COL4A5: variants seen among roughly 807,000 people sequenced by gnomAD.
COL4A5 encodes the protein collagen type IV alpha 5 chain.
In COL4A5, 26 loss-of-function variants were observed where a neutral mutation model predicts 130.2. The observed-to-expected ratio is 0.20, with a 90% CI of 0.15 to 0.28. The LOEUF (loss-of-function observed/expected upper bound fraction) is 0.28, where lower values mean the gene tolerates loss of function less well. COL4A5 is among the 10% of genes least tolerant of loss of function. The pLI, the probability that COL4A5 is intolerant of heterozygous loss-of-function variation, is 1.00. For missense variants in COL4A5, 1,131 were observed against 1,344.3 expected (o/e 0.84, Z 2.48); for synonymous variants, 496 against 439.6 (o/e 1.13, Z -1.60).
chrX:108,577,388 A>C (rs925586118), intron 10 of COL4A5, among the ~76,000 whole-genome samples: 7 of 107,241 alleles, frequency 6.5e-5, no homozygotes, highest in African/African-American at 2.4e-4. Context: ...AAAAAAAAAA[A>C]AAAAGAAAGA....
At position 108,482,686 on chromosome X, in the gene COL4A5, T is replaced by C. The variant is rs1603253251; in HGVS notation, c.81+42480T>C. Among the ~76,000 whole-genome samples, 8 of 111,692 alleles carry C rather than the reference T, an allele frequency of 7.2e-5. 3 individuals are homozygous for C. ...GCATCTTTCATTGCAGGCCAGTCAC[T>C]CACATAAGAGCTTGTGTATGTTTTT... On this transcript the variant is annotated intron_variant, in intron 1 of 52. Coordinates refer to ENST00000328300, the MANE Select transcript of COL4A5 (RefSeq NM_033380.3).
chrX:108,571,586 A>G, intron 7 of COL4A5, 120 bp downstream of exon 7: 3 of 652,716 alleles, frequency 4.6e-6, no homozygotes, highest in Non-Finnish European at 7.5e-6. Context: ...GTAATAAACT[A>G]GAGGAAAATG....
chrX:108,668,103 T>C (rs768208919), intron 40 of COL4A5, among the ~76,000 whole-genome samples: 4 of 111,638 alleles, frequency 3.6e-5, no homozygotes, highest in Non-Finnish European at 5.6e-5. Context: ...TATTATTATT[T>C]CTACATTTCT....
chrX:108,696,086 G>A (rs2068727853), intron 52 of COL4A5: 1 of 405,692 alleles, frequency 2.5e-6, no homozygotes, highest in East Asian at 4.2e-5. Context: ...GATAATAGTG[G>A]TGGGGAGAAT....
At chrX:108,684,133 A>G (rs2068495502) in intron 47 of COL4A5, among the ~76,000 whole-genome samples, 1 of 111,859 alleles carries the variant, frequency 8.9e-6, no homozygotes, top group African/African-American at 3.3e-5. Context: ...AGGGAAACTT[A>G]TAGCACTAAA....
At chrX:108,513,156 G>C (rs1411623939) in intron 1 of COL4A5, among the ~76,000 whole-genome samples, 2 of 111,661 alleles carry the variant, frequency 1.8e-5, no homozygotes, top group Admixed American at 1.9e-4. Context: ...GAATTGTTGA[G>C]TCATAGGGAA....
At chrX:108,452,763 A>T (rs36165247) in intron 1 of COL4A5, among the ~76,000 whole-genome samples, 1 of 112,017 alleles carries the variant, frequency 8.9e-6, no homozygotes, top group South Asian at 3.7e-4. Flanking sequence ...CAATCATGTC[A>T]TCTGCAAACA....
rs193083174 is a variant in COL4A5 at position 108,666,795 on chromosome X, C to A, written c.3553+201C>A. Among the ~76,000 whole-genome samples the A allele has an allele frequency of 3.1e-3, 349 of 111,400 alleles. 2 individuals are homozygous for A. The highest frequency in any genetic ancestry group is 0.011 in the African/African-American group (333 of 30,716). On this transcript the variant is annotated intron_variant, in intron 39 of 52. Coordinates refer to ENST00000328300, the MANE Select transcript of COL4A5 (RefSeq NM_033380.3). ...TGATCAAGTTGCCTCTTACAAAAAA[C>A]CCCATATCTTTTCTTGTCTAATTTT...
intron 49 of COL4A5, among the ~76,000 whole-genome samples, chrX:108,690,924 A>G (rs748887111): frequency 9.5e-4 from 106 of 112,059 alleles, no homozygotes; most frequent in Non-Finnish European, 1.6e-3. Context: ...GTATCCAACA[A>G]AGGATGAATG....
At position 108,459,527 on chromosome X, in the gene COL4A5, A is replaced by G. The variant is rs1007542310; in HGVS notation, c.81+19321A>G. ...GATATTTATAAATAACAATGATGTG[A>G]ACATTTTTGAACGTATTTGCACTTC... On this transcript the variant is annotated intron_variant, in intron 1 of 52. Transcript: ENST00000328300. 4.4e-5 allele frequency among the ~76,000 whole-genome samples: 5 copies of G among 112,469 alleles called. No homozygotes were observed. The Admixed American group carries it at 4.7e-4, about 11-fold the overall frequency.
rs1383232193 is a variant in COL4A5 at position 108,689,603 on chromosome X, C to G, written c.4528+1909C>G. On this transcript the variant is annotated intron_variant, in intron 49 of 52. Transcript: ENST00000328300. The stretch of plus-strand genomic sequence containing the variant: ...GGAATGGTCCTGGATTGCAGAGGCT[C>G]TGCTGGGGCTCACACAAGGATCACA... The G allele has an allele frequency of 8.0e-6, 6 of 752,544 alleles. No homozygotes were observed. In the East Asian group the frequency reaches 7.6e-4, roughly 95 times the overall value. The allele number at this position is 752,544 out of a possible 1,213,427, so 62.0% of individuals were successfully genotyped here. A position where few individuals can be genotyped will look rare whatever the true frequency, so the allele number is the denominator to read the frequency against.
chrX:108,575,405 A>G (rs1295507444), intron 9 of COL4A5, among the ~76,000 whole-genome samples: 1 of 112,275 alleles, frequency 8.9e-6, no homozygotes, highest in Non-Finnish European at 1.9e-5. Flanking sequence ...TACCACTTTA[A>G]ACCACAAGTT....
At chrX:108,511,609 T>C (rs1264617242) in intron 1 of COL4A5, among the ~76,000 whole-genome samples, 2 of 111,770 alleles carry the variant, frequency 1.8e-5, no homozygotes, top group Admixed American at 9.5e-5. Flanking sequence ...GACATAAGGA[T>C]AGACATAAAT....
intron 1 of COL4A5, among the ~76,000 whole-genome samples, chrX:108,470,213 C>A (rs937991535): frequency 2.7e-5 from 3 of 112,384 alleles, no homozygotes; most frequent in Non-Finnish European, 5.6e-5. Context: ...TGAGAAATCT[C>A]CAAACTGCTT....
chrX:108,543,552 G>T (rs2065587319), intron 2 of COL4A5, among the ~76,000 whole-genome samples: 1 of 111,268 alleles, frequency 9.0e-6, no homozygotes. Context: ...GATGCCTCCA[G>T]CTTTGTTCTT....
At chrX:108,489,437 G>A (rs73524442) in intron 1 of COL4A5, among the ~76,000 whole-genome samples, 11,671 of 111,326 alleles carry the variant, frequency 0.1, 1,301 homozygotes, top group African/African-American at 0.34. Context: ...GCACTGGTCT[G>A]GAGCTTTGCA....
At chrX:108,552,756 G>A (rs1439128047) in intron 2 of COL4A5, among the ~76,000 whole-genome samples, 1 of 111,844 alleles carries the variant, frequency 8.9e-6, no homozygotes, top group Non-Finnish European at 1.9e-5. Context: ...CAAAATTCTT[G>A]TGGTTTTCTG....
intron 28 of COL4A5, among the ~76,000 whole-genome samples, chrX:108,605,788 G>C (rs1002964596): frequency 1.8e-5 from 2 of 112,076 alleles, no homozygotes; most frequent in African/African-American, 6.5e-5. Flanking sequence ...GTGATGATTG[G>C]TTGAAATGGT....
chrX:108,690,145 A>G (rs1201369702), intron 49 of COL4A5: 1 of 355,745 alleles, frequency 2.8e-6, no homozygotes, highest in East Asian at 2.1e-4. Context: ...ATGATTAAGA[A>G]AAATGTATAT....
Sources: gnomAD v4.1 joint callset for allele counts (sites outside exome capture counted in the v4.1 genomes callset) on GRCh38, gnomAD v4.1.1 for gene constraint, MANE v1.5 for transcripts, NCBI Gene and HGNC (gene_info 2026-07-23, HGNC 2026-07-21) for gene names.